The following IRAG2 variants were observed in gnomAD, a reference collection of about 807,000 sequenced individuals.
IRAG2 encodes lymphoid restricted membrane protein.
IRAG2 carries 45 observed loss-of-function variants against 69.9 expected under a neutral mutation model. The observed-to-expected ratio is 0.64, with a 90% confidence interval of 0.51 to 0.83. IRAG2 has a LOEUF of 0.83. Among genes scored for constraint, IRAG2 ranks in the 40% least tolerant of loss-of-function variants. The pLI, the probability that IRAG2 is intolerant of heterozygous loss-of-function variation, is 0.00. For synonymous variants in IRAG2, 193 were observed against 202.4 expected, an observed-to-expected ratio of 0.95 and a Z score of 0.40; for missense variants, 520 against 587.0, an observed-to-expected ratio of 0.89 and a Z score of 1.18.
upstream of IRAG2, among the ~76,000 whole-genome samples, chr12:25,048,071 AC>A (rs1944811699): frequency 2.6e-5 from 4 of 152,112 alleles, no homozygotes; most frequent in South Asian, 8.3e-4. Context: ...ACTAATTTAT[AC>A]CCCACCAACA....
chr12:25,097,054 C>G lies in IRAG2; in HGVS notation c.741+10C>G. The stretch of plus-strand genomic sequence containing the variant: ...GGGAGCCATCAATCAGGTAACCTGT[C>G]TTCATTTCTCTAGTTAGAATGAAAT... On this transcript the variant is annotated intron_variant, in intron 15 of 21. Transcript: ENST00000556887. The G allele has an allele frequency of 6.3e-7, 1 of 1,592,544 alleles. No individual in the cohort carries two copies. The highest frequency in any genetic ancestry group is 2.2e-5 in the East Asian group (1 of 44,522).
chr12:25,053,944 A>G (rs1034762360), intron 1 of IRAG2, among the ~76,000 whole-genome samples: 4 of 152,086 alleles, frequency 2.6e-5, no homozygotes, highest in South Asian at 2.1e-4. Flanking sequence ...TAAAATAGCA[A>G]TGGTTTGCCG....
chr12:25,039,524 G>A (rs901828523), intron 16 of IRAG2, among the ~76,000 whole-genome samples: 2 of 152,168 alleles, frequency 1.3e-5, no homozygotes, highest in Non-Finnish European at 2.9e-5. Context: ...TCTGCCTCCC[G>A]GGTTCAGGCC....
At position 25,027,588 on chromosome 12, in the gene IRAG2, G is replaced by T. The variant is rs183122889; in HGVS notation, c.1461+722G>T. 3.6e-3 allele frequency among the ~76,000 whole-genome samples: 548 copies of T among 151,858 alleles called. 2 individuals carry two copies. The highest frequency in any genetic ancestry group is 0.013 in the African/African-American group (534 of 41,420). On this transcript the variant is annotated intron_variant, in intron 9 of 38. Coordinates refer to the IRAG2 transcript ENST00000636465. ...TTTTTGTATTTTTAGTAGAGACCGGGTTTCACCATGTTAGCCAGGATGGTC... is the reference window on the plus strand; with the variant it reads ...TTTTTGTATTTTTAGTAGAGACCGGTTTTCACCATGTTAGCCAGGATGGTC...
chr12:25,000,928 C>A (rs1944387177), upstream of IRAG2, among the ~76,000 whole-genome samples: 1 of 152,148 alleles, frequency 6.6e-6, no homozygotes, highest in Non-Finnish European at 1.5e-5. Flanking sequence ...TGCAGCTAAT[C>A]CTTTCTACCA....
chr12:25,069,501 CT>C, intron 6 of IRAG2, 70 bp downstream of exon 6: 3 of 1,320,018 alleles, frequency 2.3e-6, no homozygotes, highest in Non-Finnish European at 3.2e-6. Context: ...TATGGGTATT[CT>C]TTTTCCCTGT....
At chr12:25,033,039 C>T (rs987069038) in intron 12 of IRAG2, among the ~76,000 whole-genome samples, 9 of 151,656 alleles carry the variant, frequency 5.9e-5, no homozygotes, top group African/African-American at 2.2e-4. Flanking sequence ...CCGCTGCAAC[C>T]TCCACCTCCT....
intron 3 of IRAG2, among the ~76,000 whole-genome samples, chr12:25,013,866 CTTTTTTTTTTTT>C (rs71063386): frequency 1.3e-5 from 1 of 79,530 alleles, no homozygotes; most frequent in South Asian, 5.0e-4. Context: ...TTTTCTTTTT[CTTTTTTTTTTTT>C]TTTTTTTTTT....
At chr12:25,062,263 G>T (rs1945681156) in intron 2 of IRAG2, among the ~76,000 whole-genome samples, 1 of 151,890 alleles carries the variant, frequency 6.6e-6, no homozygotes, top group Non-Finnish European at 1.5e-5. Flanking sequence ...GCATGTATCT[G>T]TTTCTAGGGC....
At position 25,077,231 on chromosome 12, in the gene IRAG2, T is replaced by TATATATATG. The variant is rs1565562427; in HGVS notation, c.25-2011_25-2003dup. 4.4e-4 allele frequency among the ~76,000 whole-genome samples: 20 copies of TATATATATG among 45,514 alleles called. 2 individuals carry two copies. Among genetic ancestry groups the TATATATATG allele is most frequent in the South Asian group, 1.2e-3 (2 of 1,606 alleles). The allele number at this position is 45,514 out of a possible 152,430, so 29.9% of individuals were successfully genotyped here. On this transcript the variant is annotated intron_variant, in intron 6 of 21. Coordinates refer to ENST00000556887, the MANE Select transcript of IRAG2 (RefSeq NM_001366544.2). ...TATGATATATATGAAATATATATGA[T>TATATATATG]ATATATATGAAATATATATATGATA...
intron 5 of IRAG2, chr12:25,015,496 C>T (rs1046824736): frequency 1.7e-5 from 17 of 1,004,534 alleles, no homozygotes; most frequent in Middle Eastern, 7.2e-4. Flanking sequence ...CATAAATCTA[C>T]GTATTTCAGT....
intron 6 of IRAG2, among the ~76,000 whole-genome samples, chr12:25,071,129 C>T (rs988942677): frequency 1.3e-5 from 2 of 151,968 alleles, no homozygotes; most frequent in Admixed American, 6.6e-5. Flanking sequence ...CCAAGGTGGG[C>T]GGATCACTTG....
intron 5 of IRAG2, 137 bp from the exon 6 acceptor site, chr12:25,069,213 T>C (rs1946172221): frequency 1.9e-6 from 1 of 519,968 alleles, no homozygotes. Context: ...TATGTGTTAC[T>C]TAAACCATGA....
chr12:25,061,322 T>G lies in IRAG2; in HGVS notation c.-446-270T>G, dbSNP rs535978875. 1.0e-3 allele frequency among the ~76,000 whole-genome samples: 158 copies of G among 152,250 alleles called. 1 individual carries two copies. Among genetic ancestry groups the G allele is most frequent in the Middle Eastern group, 6.8e-3 (2 of 292 alleles). On this transcript the variant is annotated intron_variant, in intron 1 of 21. Coordinates refer to ENST00000556887, the MANE Select transcript of IRAG2 (RefSeq NM_001366544.2). The stretch of plus-strand genomic sequence containing the variant: ...GGTGGATCACCTGAACTCAGGAGTT[T>G]GAGACCAGTCTAGACAACATGGTGA...
intron 1 of IRAG2, among the ~76,000 whole-genome samples, chr12:25,059,005 A>G (rs964976770): frequency 1.3e-5 from 2 of 152,228 alleles, no homozygotes; most frequent in Non-Finnish European, 2.9e-5. Flanking sequence ...TTCAATTTGA[A>G]TGCTTCAAGA....
At chr12:25,025,107 T>G (rs1944610817) in intron 8 of IRAG2, among the ~76,000 whole-genome samples, 1 of 152,238 alleles carries the variant, frequency 6.6e-6, no homozygotes, top group Admixed American at 6.5e-5. Flanking sequence ...TGGAAGATCT[T>G]AGAGCTATTC....
At chr12:25,074,725 AGAT>A (rs1592010219) in intron 6 of IRAG2, among the ~76,000 whole-genome samples, 1 of 152,206 alleles carries the variant, frequency 6.6e-6, no homozygotes, top group Non-Finnish European at 1.5e-5. Context: ...AATGATTTGG[AGAT>A]GAATTTCTCT....
chr12:25,088,709 C>G (rs7300748), intron 11 of IRAG2, among the ~76,000 whole-genome samples: 1 of 152,002 alleles, frequency 6.6e-6, no homozygotes, highest in Admixed American at 6.6e-5. Context: ...GAGAACTAGG[C>G]TAATTTCATG....
intron 6 of IRAG2, chr12:25,076,693 C>G: frequency 1.3e-6 from 1 of 760,528 alleles, no homozygotes; most frequent in Non-Finnish European, 1.6e-6. Context: ...AGTTATAGTG[C>G]AATAATAAAT....
Sources: allele counts gnomAD v4.1 joint callset (sites outside exome capture counted in the v4.1 genomes callset), GRCh38; gene constraint gnomAD v4.1.1; transcripts MANE v1.5; gene names NCBI Gene and HGNC (gene_info 2026-07-23, HGNC 2026-07-21).